The following SNRPN variants were observed in gnomAD, a reference collection of about 807,000 sequenced individuals.
SNRPN encodes small nuclear ribonucleoprotein-associated protein N.
Under a neutral mutation model 25.2 loss-of-function variants are expected in SNRPN, and 7 were observed. The ratio of observed to expected loss-of-function variants is 0.28; its 90% confidence interval spans 0.16 to 0.52. The LOEUF (loss-of-function observed/expected upper bound fraction) is 0.52. SNRPN is among the 20% of genes least tolerant of loss of function. The pLI is 0.96. For missense variants in SNRPN, 196 were observed against 322.5 expected, an observed-to-expected ratio of 0.61 and a Z score of 3.00; for synonymous variants, 124 against 110.6, an observed-to-expected ratio of 1.12 and a Z score of -0.76.
At chr15:24,949,678 T>C (rs1047392044) in intron 3 of SNRPN, among the ~76,000 whole-genome samples, 4 of 151,982 alleles carry the variant, frequency 2.6e-5, no homozygotes, top group African/African-American at 9.7e-5. Context: ...AACCCCATAA[T>C]ATGTGGCCTT....
intron 1 of SNRPN, among the ~76,000 whole-genome samples, chr15:24,882,998 A>C (rs931730258): frequency 6.6e-6 from 1 of 152,154 alleles, no homozygotes; most frequent in African/African-American, 2.4e-5. Flanking sequence ...AAAGTGTTGA[A>C]TATCTCATGT....
chr15:24,936,627 A>G (rs922977966), intron 3 of SNRPN, among the ~76,000 whole-genome samples: 24 of 152,158 alleles, frequency 1.6e-4, no homozygotes, highest in African/African-American at 5.8e-4. Flanking sequence ...GCATCATGGC[A>G]GAAGGCAGAG....
At chr15:24,951,086 C>G (rs1488271475), upstream of SNRPN, among the ~76,000 whole-genome samples, 1 of 152,144 alleles carries the variant, frequency 6.6e-6, no homozygotes, top group Non-Finnish European at 1.5e-5. Flanking sequence ...TCACGAACCT[C>G]CTGATCTCAG....
intron 2 of SNRPN, among the ~76,000 whole-genome samples, chr15:24,908,052 CAAAAAAAAAAAAAA>C (rs71127014): frequency 8.5e-5 from 6 of 70,708 alleles, no homozygotes; most frequent in African/African-American, 2.9e-4. Context: ...GACTCCATCT[CAAAAAAAAAAAAAA>C]AAAAAAAAAA....
intron 2 of SNRPN, among the ~76,000 whole-genome samples, 197 bp downstream of exon 2, chr15:24,962,406 A>G (rs961673082): frequency 2.0e-5 from 3 of 152,212 alleles, no homozygotes; most frequent in Non-Finnish European, 4.4e-5. Context: ...AGATTTTAGT[A>G]TAATTTTCTT....
At chr15:24,879,328 T>G (rs1040096788) in intron 1 of SNRPN, among the ~76,000 whole-genome samples, 1 of 151,718 alleles carries the variant, frequency 6.6e-6, no homozygotes, top group African/African-American at 2.4e-5. Flanking sequence ...TCCTAGCTAC[T>G]CGGGAGGCTG....
chr15:24,973,426 C>G (rs1246498819), intron 3 of SNRPN, among the ~76,000 whole-genome samples: 1 of 152,132 alleles, frequency 6.6e-6, no homozygotes, highest in East Asian at 1.9e-4. Context: ...TTGCTCTTGT[C>G]CCTCCTTGTT....
At chr15:24,878,502 G>A (rs1241420313) in intron 1 of SNRPN, among the ~76,000 whole-genome samples, 2 of 152,172 alleles carry the variant, frequency 1.3e-5, no homozygotes, top group African/African-American at 4.8e-5. Context: ...GGTCTGTTCC[G>A]CTTATGGCGC....
At chr15:24,963,730 T>C (rs1351669021) in intron 2 of SNRPN, among the ~76,000 whole-genome samples, 1 of 152,142 alleles carries the variant, frequency 6.6e-6, no homozygotes. Context: ...TCTTTTGTTA[T>C]TTCCTCATTT....
intron 1 of SNRPN, among the ~76,000 whole-genome samples, chr15:24,880,326 G>A (rs2056456914): frequency 6.6e-6 from 1 of 151,994 alleles, no homozygotes; most frequent in South Asian, 2.1e-4. Context: ...GAGGAAAGGG[G>A]GATTCTTCAC....
intron 3 of SNRPN, among the ~76,000 whole-genome samples, chr15:24,944,514 A>G (rs1272574945): frequency 6.6e-6 from 1 of 152,212 alleles, no homozygotes; most frequent in Non-Finnish European, 1.5e-5. Context: ...CCTGGCCAAC[A>G]TGGTGAAATC....
At chr15:24,921,802 G>GTCTAGTATTGTTGC in intron 3 of SNRPN, among the ~76,000 whole-genome samples, 1 of 152,128 alleles carries the variant, frequency 6.6e-6, no homozygotes, top group Non-Finnish European at 1.5e-5. Flanking sequence ...ATACAGCAGA[G>GTCTAGTATTGTTGC]GATGTAAGTT....
intron 2 of SNRPN, among the ~76,000 whole-genome samples, chr15:24,844,473 G>C (rs1347383202): frequency 6.6e-6 from 1 of 152,026 alleles, no homozygotes; most frequent in African/African-American, 2.4e-5. Context: ...TCTTAACAGT[G>C]TCTGTCAAAG....
At chr15:24,975,820 C>T (rs2076998374) in intron 5 of SNRPN, among the ~76,000 whole-genome samples, 1 of 152,168 alleles carries the variant, frequency 6.6e-6, no homozygotes, top group Admixed American at 6.5e-5. Context: ...CTGCAGCAGT[C>T]TTAGACCAAA....
intron 2 of SNRPN, among the ~76,000 whole-genome samples, chr15:24,896,517 C>G (rs939956749): frequency 4.0e-5 from 6 of 151,778 alleles, no homozygotes; most frequent in East Asian, 3.9e-4. Flanking sequence ...GAGACCCCCC[C>G]GCCGGCTAAC....
Position 24,905,378 on chromosome 15 carries a change from G to A in SNRPN, c.-504-14633G>A, listed in dbSNP as rs189329954. On this transcript the variant is annotated intron_variant, in intron 2 of 11. Coordinates refer to the SNRPN transcript ENST00000400097. ...ACAAAAATTAACTGGGCATGGTGGC[G>A]TGCGCCTGTAGTCTTAGCAGCTCAG... Among the ~76,000 whole-genome samples the A allele has an allele frequency of 3.2e-4, 49 of 151,000 alleles. 1 individual carries two copies. Among genetic ancestry groups the A allele is most frequent in the African/African-American group, 7.8e-4 (32 of 41,158 alleles).
chr15:24,913,422 C>A (rs2059336139), intron 2 of SNRPN, among the ~76,000 whole-genome samples: 1 of 152,056 alleles, frequency 6.6e-6, no homozygotes, highest in African/African-American at 2.4e-5. Context: ...GTGGGCAGAT[C>A]ACTTGAGGTC....
chr15:24,932,483 C>T (rs568080513), intron 3 of SNRPN, among the ~76,000 whole-genome samples: 2 of 152,212 alleles, frequency 1.3e-5, no homozygotes, highest in Admixed American at 1.3e-4. Flanking sequence ...ATCCGCCTGC[C>T]TCAGCCTCCT....
At chr15:24,841,254 A>C (rs889546600) in intron 2 of SNRPN, among the ~76,000 whole-genome samples, 2 of 152,130 alleles carry the variant, frequency 1.3e-5, no homozygotes, top group Non-Finnish European at 2.9e-5. Context: ...TGGGTAGCTT[A>C]GGTAACAGGC....
Sources: gnomAD v4.1 joint callset for allele counts (sites outside exome capture counted in the v4.1 genomes callset) on GRCh38, gnomAD v4.1.1 for gene constraint, MANE v1.5 for transcripts, NCBI Gene and HGNC (gene_info 2026-07-23, HGNC 2026-07-21) for gene names.